Variants in AGBL1 observed in about 807,000 individuals in gnomAD.
The protein encoded by AGBL1 is AGBL carboxypeptidase 1, also known as cytosolic carboxypeptidase 4.
Under a neutral mutation model 118.9 loss-of-function variants are expected in AGBL1, and 130 were observed. That is an observed-to-expected ratio of 1.09 (90% CI 0.95 to 1.26). The LOEUF is 1.26. Ranked by LOEUF, AGBL1 falls within the 50% of genes most tolerant of loss-of-function variation. The pLI, the probability that AGBL1 is intolerant of heterozygous loss-of-function variation, is 0.00. For synonymous variants in AGBL1, 555 were observed against 478.9 expected (o/e 1.16, Z -2.08); for missense variants, 1,584 against 1,298.1 (o/e 1.22, Z -3.38).
At chr15:86,896,067 C>T (rs749712297) in intron 22 of AGBL1, among the ~76,000 whole-genome samples, 4 of 151,990 alleles carry the variant, frequency 2.6e-5, no homozygotes, top group Non-Finnish European at 4.4e-5. Context: ...TTCTATTAAG[C>T]TTTTTGTTAA....
intron 22 of AGBL1, among the ~76,000 whole-genome samples, chr15:86,780,212 A>G (rs1337817267): frequency 6.6e-6 from 1 of 152,190 alleles, no homozygotes; most frequent in African/African-American, 2.4e-5. Context: ...AGTTGGCACA[A>G]TACCATTTAT....
intron 17 of AGBL1, among the ~76,000 whole-genome samples, chr15:86,320,302 A>AT (rs951409425): frequency 4.1e-4 from 61 of 148,592 alleles, no homozygotes; most frequent in South Asian, 1.1e-3. Flanking sequence ...ATAAAATTTT[A>AT]TTTTTTTTTT....
chr15:86,707,787 C>G (rs1189708023), intron 22 of AGBL1, among the ~76,000 whole-genome samples: 1 of 152,112 alleles, frequency 6.6e-6, no homozygotes, highest in Admixed American at 6.6e-5. Context: ...ATCTTCTGAG[C>G]ATTTTCCTAG....
intron 1 of AGBL1, among the ~76,000 whole-genome samples, chr15:86,126,740 G>A (rs1898456536): frequency 6.6e-6 from 1 of 152,180 alleles, no homozygotes; most frequent in African/African-American, 2.4e-5. Flanking sequence ...AGGGCATAGG[G>A]AAAGATAAAT....
Position 86,278,821 on chromosome 15 carries a change from C to G in AGBL1, c.2076-818C>G, listed in dbSNP as rs377070145. ...TTGGCAGCGTGTGGGGAAAATATTG[C>G]TCGGAATGGACTTCTGGGAGCAATT... On this transcript the variant is annotated intron_variant, in intron 15 of 22. Transcript: ENST00000614907. Among the ~76,000 whole-genome samples, 24 of 152,280 alleles carry G rather than the reference C, an allele frequency of 1.6e-4. No homozygotes were observed. The East Asian group carries it at 4.3e-3, about 27-fold the overall frequency.
intron 18 of AGBL1, among the ~76,000 whole-genome samples, chr15:86,521,191 T>G (rs1405323947): frequency 1.3e-5 from 2 of 152,190 alleles, no homozygotes; most frequent in Non-Finnish European, 2.9e-5. Flanking sequence ...TATTTAAAGA[T>G]AATTTCAGGA....
intron 18 of AGBL1, among the ~76,000 whole-genome samples, chr15:86,454,083 C>A (rs2082231486): frequency 6.6e-6 from 1 of 152,040 alleles, no homozygotes; most frequent in Non-Finnish European, 1.5e-5. Flanking sequence ...GAAGACTTTG[C>A]CCTCACCCAT....
intron 10 of AGBL1, among the ~76,000 whole-genome samples, chr15:86,263,533 GA>G (rs1219437939): frequency 4.6e-5 from 7 of 152,340 alleles, no homozygotes; most frequent in Non-Finnish European, 8.8e-5. Context: ...CCCATGCACT[GA>G]AAAAGCAAAT....
At position 86,913,998 on chromosome 15, in the gene AGBL1, T is replaced by A. The variant is rs1309043498; in HGVS notation, c.*6704T>A. ...ATTTCTTGGTATCAGACAAGTATTA[T>A]GACCAGCTCCTGGCAAAATAAGTAA... On this transcript the variant is annotated 3_prime_UTR_variant, in exon 23 of 23. Coordinates refer to ENST00000614907, the MANE Select transcript of AGBL1 (RefSeq NM_001386094.1). The A allele has an allele frequency of 6.6e-6, 1 of 152,242 alleles. No individual in the cohort carries two copies. The highest frequency in any genetic ancestry group is 1.9e-4 in the East Asian group (1 of 5,204). 9.4% of individuals were successfully genotyped at this position (152,242 alleles called of 1,614,324 possible).
chr15:86,469,907 C>A (rs2082457522), intron 18 of AGBL1, among the ~76,000 whole-genome samples: 1 of 151,954 alleles, frequency 6.6e-6, no homozygotes, highest in South Asian at 2.1e-4. Flanking sequence ...GGTCCTTTTG[C>A]CATTTAAAAA....
chr15:86,409,741 T>A (rs2081584034), intron 18 of AGBL1, among the ~76,000 whole-genome samples: 1 of 152,168 alleles, frequency 6.6e-6, no homozygotes, highest in South Asian at 2.1e-4. Flanking sequence ...TGTTGCAGAA[T>A]CATTGATCAA....
At chr15:86,187,330 C>T (rs1447784402) in intron 5 of AGBL1, among the ~76,000 whole-genome samples, 6 of 152,134 alleles carry the variant, frequency 3.9e-5, no homozygotes, top group South Asian at 2.1e-4. Context: ...AGATAAGAGC[C>T]GCCTTGTTGG....
At chr15:86,726,939 C>A (rs112214827) in intron 22 of AGBL1, among the ~76,000 whole-genome samples, 4 of 152,162 alleles carry the variant, frequency 2.6e-5, no homozygotes, top group Middle Eastern at 6.8e-3. Context: ...ATGGTAGAAA[C>A]GTCGTTTTCC....
intron 23 of AGBL1, among the ~76,000 whole-genome samples, chr15:86,943,474 G>A (rs1030159564): frequency 2.0e-5 from 3 of 152,198 alleles, no homozygotes; most frequent in Non-Finnish European, 2.9e-5. Context: ...AAAATACACA[G>A]GGTTTTACAG....
At chr15:86,651,954 T>C (rs181492166) in intron 21 of AGBL1, among the ~76,000 whole-genome samples, 2 of 152,282 alleles carry the variant, frequency 1.3e-5, no homozygotes, top group East Asian at 3.9e-4. Flanking sequence ...ATGGGGGTAC[T>C]TCAAAAGTCT....
chr15:86,831,386 C>G (rs1203646548), intron 22 of AGBL1, among the ~76,000 whole-genome samples: 2 of 152,156 alleles, frequency 1.3e-5, no homozygotes, highest in African/African-American at 4.8e-5. Flanking sequence ...TCATCTGAGA[C>G]AAGACAAGTC....
At chr15:86,840,693 G>A (rs893438319) in intron 22 of AGBL1, among the ~76,000 whole-genome samples, 4 of 151,970 alleles carry the variant, frequency 2.6e-5, no homozygotes, top group African/African-American at 7.3e-5. Context: ...ACCCACCTCA[G>A]CCTCCCAAAG....
chr15:86,332,558 A>G (rs578244194), intron 17 of AGBL1, among the ~76,000 whole-genome samples: 22 of 151,468 alleles, frequency 1.5e-4, no homozygotes, highest in Admixed American at 1.1e-3. Flanking sequence ...AGGCAGGAGA[A>G]TGGCGTGAAC....
chr15:86,634,452 C>T (rs1012510627), intron 21 of AGBL1, among the ~76,000 whole-genome samples: 6 of 152,200 alleles, frequency 3.9e-5, no homozygotes, highest in Middle Eastern at 6.8e-3. Context: ...AGAAGCCCAT[C>T]ATGAAATACC....
Sources: gnomAD v4.1 joint callset for allele counts (sites outside exome capture counted in the v4.1 genomes callset) on GRCh38, gnomAD v4.1.1 for gene constraint, MANE v1.5 for transcripts, NCBI Gene and HGNC (gene_info 2026-07-23, HGNC 2026-07-21) for gene names.